PAX2: variants seen among roughly 807,000 people sequenced by gnomAD.
PAX2 encodes paired box protein Pax-2.
A neutral mutation model predicts 41.7 loss-of-function variants in PAX2; 9 were observed. The ratio of observed to expected loss-of-function variants is 0.22; its 90% confidence interval spans 0.13 to 0.38. PAX2 has a LOEUF of 0.38. PAX2 is among the 10% of genes least tolerant of loss of function. PAX2 has a pLI of 1.00. For missense variants in PAX2, 418 were observed against 531.6 expected, an observed-to-expected ratio of 0.79 and a Z score of 2.10; for synonymous variants, 221 against 212.7, an observed-to-expected ratio of 1.04 and a Z score of -0.34.
intron 3 of PAX2, among the ~76,000 whole-genome samples, chr10:100,775,410 C>CTCG (rs964015995): frequency 1.1e-4 from 17 of 152,156 alleles, no homozygotes; most frequent in Non-Finnish European, 1.9e-4. Flanking sequence ...TTCTTAAATT[C>CTCG]TCCGAGATCA....
At chr10:100,749,249 G>A (rs1382718501) in intron 1 of PAX2, 2 of 992,790 alleles carry the variant, frequency 2.0e-6, no homozygotes, top group Non-Finnish European at 2.4e-6. Flanking sequence ...GTCTGTGCTA[G>A]GAGCTCGGAT....
chr10:100,806,932 G>A lies in PAX2; in HGVS notation c.792+327G>A, dbSNP rs146535960. Among the ~76,000 whole-genome samples, 719 of 152,150 alleles carry A rather than the reference G, an allele frequency of 4.7e-3. 8 individuals are homozygous for A. Among genetic ancestry groups the A allele is most frequent in the African/African-American group, 0.017 (689 of 41,498 alleles). ...GGTTTGTCAAGTCCCTTCTAGCTCC[G>A]CTTTTCTGTGGTTCTTGCATGGAGT... On this transcript the variant is annotated intron_variant, in intron 6 of 9. Coordinates refer to ENST00000355243, the MANE Select transcript of PAX2 (RefSeq NM_000278.5).
chr10:100,767,976 T>A (rs1007227222), intron 3 of PAX2, among the ~76,000 whole-genome samples: 1 of 152,150 alleles, frequency 6.6e-6, no homozygotes, highest in Non-Finnish European at 1.5e-5. Flanking sequence ...ATTTAATAAT[T>A]CTCTCATTTC....
At chr10:100,825,008 G>GCCCA in intron 8 of PAX2, 1 of 1,588,208 alleles carries the variant, frequency 6.3e-7, no homozygotes, top group Non-Finnish European at 8.6e-7. Flanking sequence ...CCTCCACAGC[G>GCCCA]CCCACCCACC....
chr10:100,739,915 G>A (rs1844894621), intron 1 of PAX2, among the ~76,000 whole-genome samples: 1 of 152,234 alleles, frequency 6.6e-6, no homozygotes, highest in East Asian at 1.9e-4. Flanking sequence ...GGGGACAGCT[G>A]GCCAGGTGGG....
intron 1 of PAX2, chr10:100,747,480 C>CT (rs200392872): frequency 0.019 from 5,554 of 292,340 alleles, 44 homozygotes; most frequent in Non-Finnish European, 0.019. Flanking sequence ...TTTTTGCAGG[C>CT]TTTTTTTTTT....
At position 100,750,416 on chromosome 10, in the gene PAX2, G is replaced by A. The variant is rs563236846; in HGVS notation, c.213-278G>A. On this transcript the variant is annotated intron_variant, in intron 2 of 9. Coordinates refer to ENST00000355243, the MANE Select transcript of PAX2 (RefSeq NM_000278.5). The surrounding 1 kb of genome is among the most constrained non-coding windows in gnomAD (Gnocchi z 4.1). ...TCGTTTTGCTCTTCCCAAGTGAAAG[G>A]CTGGGCTTTCACTCCCACGGGTGCC... is the stretch of plus-strand genomic sequence containing the variant. Among the ~76,000 whole-genome samples, 1 of 152,144 alleles carries A rather than the reference G, an allele frequency of 6.6e-6. No homozygotes were observed. Among genetic ancestry groups the A allele is most frequent in the African/African-American group, 2.4e-5 (1 of 41,436 alleles).
chr10:100,799,085 G>A (rs778307949), intron 5 of PAX2, among the ~76,000 whole-genome samples: 32 of 152,240 alleles, frequency 2.1e-4, no homozygotes, highest in African/African-American at 6.8e-4. Flanking sequence ...CCTCAGAGGC[G>A]GAAGTAATGT....
chr10:100,741,945 G>T (rs1844970305), upstream of PAX2, among the ~76,000 whole-genome samples: 1 of 152,178 alleles, frequency 6.6e-6, no homozygotes, highest in African/African-American at 2.4e-5. Flanking sequence ...TCCCCTAGCC[G>T]CTCCCCGGGA....
intron 1 of PAX2, among the ~76,000 whole-genome samples, chr10:100,736,568 C>T (rs1250215021): frequency 1.3e-5 from 2 of 151,600 alleles, no homozygotes; most frequent in African/African-American, 2.4e-5. Flanking sequence ...CACTCCTCAC[C>T]TTTCCCAAAT....
rs372271346 is a variant in PAX2 at position 100,827,631 on chromosome 10, A to T, written c.*12A>T. 5 of 1,613,204 alleles carry T rather than the reference A, an allele frequency of 3.1e-6. No homozygotes were observed. The African/African-American group carries it at 6.7e-5, about 22-fold the overall frequency. ...ATGACCGCCACTAGTTACCGCGGGG[A>T]CCACATCAAGCTTCAGGCCGACAGC... On this transcript the variant is annotated 3_prime_UTR_variant, in exon 10 of 10. Coordinates refer to ENST00000355243, the MANE Select transcript of PAX2 (RefSeq NM_000278.5). The surrounding 1 kb of genome is among the most constrained non-coding windows in gnomAD (Gnocchi z 8.5).
At chr10:100,761,661 G>A (rs150054713) in intron 3 of PAX2, among the ~76,000 whole-genome samples, 11 of 152,336 alleles carry the variant, frequency 7.2e-5, no homozygotes, top group African/African-American at 2.6e-4. Flanking sequence ...CTGGGCCTTT[G>A]TTTATGTGGA....
chr10:100,775,422 C>T (rs917725233), intron 3 of PAX2, among the ~76,000 whole-genome samples: 4 of 152,088 alleles, frequency 2.6e-5, no homozygotes, highest in African/African-American at 9.7e-5. Flanking sequence ...CCGAGATCAG[C>T]TCTAGGGACT....
chr10:100,745,171 C>T (rs1478266471), upstream of PAX2, among the ~76,000 whole-genome samples: 1 of 152,224 alleles, frequency 6.6e-6, no homozygotes, highest in East Asian at 1.9e-4. Context: ...CACAGCGCAG[C>T]GCGCTCCGAG....
chr10:100,774,885 T>G (rs1379283551), intron 3 of PAX2, among the ~76,000 whole-genome samples: 2 of 152,172 alleles, frequency 1.3e-5, no homozygotes, highest in African/African-American at 4.8e-5. Flanking sequence ...TCTCACTCCC[T>G]TGGAAGTGTG....
rs1845125765 is a variant in PAX2, at chr10:100,745,616, A to C, written c.-645A>C. On this transcript the variant is annotated 5_prime_UTR_variant, in exon 1 of 10. Coordinates refer to ENST00000355243, the MANE Select transcript of PAX2 (RefSeq NM_000278.5). ...CCGAGTCTTCTCGCAGCCGCAACCCACCTGGGGCCAGCCCAGAGCTGCCAG... is the reference window on the plus strand; with the variant it reads ...CCGAGTCTTCTCGCAGCCGCAACCCCCCTGGGGCCAGCCCAGAGCTGCCAG... 3.1e-6 allele frequency: 1 copy of C among 322,534 alleles called. No homozygotes were observed. 20.0% of individuals were successfully genotyped at this position (322,534 alleles called of 1,614,324 possible).
chr10:100,822,396 A>G (rs1056298200), intron 7 of PAX2, among the ~76,000 whole-genome samples: 4 of 152,234 alleles, frequency 2.6e-5, no homozygotes, highest in African/African-American at 9.6e-5. Context: ...TGAGACCAAT[A>G]TACATGAAAC....
At chr10:100,786,728 G>A (rs564938444) in intron 5 of PAX2, among the ~76,000 whole-genome samples, 28 of 152,292 alleles carry the variant, frequency 1.8e-4, no homozygotes, top group African/African-American at 6.0e-4. Context: ...GATAAAGGGA[G>A]GGGCTGTCCT....
chr10:100,786,403 A>G (rs1014264769), intron 5 of PAX2, among the ~76,000 whole-genome samples: 2 of 152,178 alleles, frequency 1.3e-5, no homozygotes, highest in African/African-American at 4.8e-5. Flanking sequence ...CCCTCTATTC[A>G]TCTGTGGACA....
Sources: gnomAD v4.1 joint callset for allele counts (sites outside exome capture counted in the v4.1 genomes callset) on GRCh38, gnomAD v4.1.1 for gene constraint, Gnocchi (gnomAD v3.1) non-coding constraint, MANE v1.5 for transcripts, NCBI Gene and HGNC (gene_info 2026-07-23, HGNC 2026-07-21) for gene names.